ADCY5: variants seen among roughly 807,000 people sequenced by gnomAD.
ADCY5 encodes adenylate cyclase type 5.
A neutral mutation model predicts 119.7 loss-of-function variants in ADCY5; 30 were observed. That is an observed-to-expected ratio of 0.25 (90% CI 0.19 to 0.34). ADCY5 has a LOEUF of 0.34. Among genes scored for constraint, ADCY5 ranks in the 10% least tolerant of loss-of-function variants. The pLI, the probability that ADCY5 is intolerant of heterozygous loss-of-function variation, is 1.00. For missense variants in ADCY5, 1,324 were observed against 1,775.2 expected, an observed-to-expected ratio of 0.75 and a Z score of 4.57; for synonymous variants, 753 against 762.2, an observed-to-expected ratio of 0.99 and a Z score of 0.20.
intron 1 of ADCY5, among the ~76,000 whole-genome samples, chr3:123,405,375 C>T (rs1050326230): frequency 6.6e-6 from 1 of 152,220 alleles, no homozygotes; most frequent in African/African-American, 2.4e-5. Context: ...AGGGTTTCCA[C>T]GTCAGAATTC....
chr3:123,327,611 C>A lies in ADCY5; in HGVS notation c.1947+7G>T, dbSNP rs376761016. 5 of 1,612,834 alleles carry A rather than the reference C, an allele frequency of 3.1e-6. No individual in the cohort carries two copies. Among genetic ancestry groups the A allele is most frequent in the Middle Eastern group, 1.7e-4 (1 of 6,020 alleles). On this transcript the variant is annotated splice_region_variant and intron_variant, in intron 7 of 20. Transcript: ENST00000462833. ...CCCCTCAGCCCCCCGGCCCCCAGCC[C>A]ACAGACCCGCTTCTGGGTGCAGCGC...
At chr3:123,342,323 G>A (rs1942329724) in intron 3 of ADCY5, among the ~76,000 whole-genome samples, 1 of 152,204 alleles carries the variant, frequency 6.6e-6, no homozygotes. Flanking sequence ...AGCAACCTGG[G>A]GAATGCAGCC....
intron 3 of ADCY5, among the ~76,000 whole-genome samples, chr3:123,341,695 C>T (rs981513526): frequency 6.6e-6 from 1 of 151,106 alleles, no homozygotes; most frequent in African/African-American, 2.4e-5. Flanking sequence ...TTTTAAAGAC[C>T]CAACCCTACT....
At chr3:123,325,172 T>A (rs2108371438) in intron 8 of ADCY5, 150 bp downstream of exon 8, 1 of 1,041,438 alleles carries the variant, frequency 9.6e-7, no homozygotes, top group African/African-American at 1.6e-5. Flanking sequence ...CTACTCCTAG[T>A]CCAAAGTTGG....
chr3:123,315,014 G>A (rs1278390964), intron 11 of ADCY5, among the ~76,000 whole-genome samples: 1 of 152,152 alleles, frequency 6.6e-6, no homozygotes, highest in Non-Finnish European at 1.5e-5. Flanking sequence ...GACCTTCACA[G>A]CCACCACGGG....
Position 123,289,826 on chromosome 3 carries a change from G to A in ADCY5, c.3456C>T (p.Ala1152=), listed in dbSNP as rs771483790. 1.5e-5 allele frequency: 24 copies of A among 1,614,208 alleles called. No homozygotes were observed. Among genetic ancestry groups the A allele is most frequent in the South Asian group, 6.6e-5 (6 of 91,082 alleles). ...GGTCCATCAGCTTCATGGCAAAGTC[G>A]GCCAGTGCCTTGATGTGGGTCTTGC... is the stretch of plus-strand genomic sequence containing the variant. ...KVGKTHIKAL[A]DFAMKLMDQM... is the part of the protein sequence containing the mutation. Residue 1152 remains alanine (A), a synonymous_variant, in exon 19 of 21, where the codon GCC becomes GCT. Coordinates refer to ENST00000462833, the MANE Select transcript of ADCY5 (RefSeq NM_183357.3).
intron 1 of ADCY5, among the ~76,000 whole-genome samples, chr3:123,432,067 T>A (rs541055658): frequency 2.6e-5 from 4 of 152,176 alleles, no homozygotes; most frequent in Non-Finnish European, 4.4e-5. Flanking sequence ...GACGGACTCA[T>A]TGAGGTTAAC....
chr3:123,338,741 T>A (rs919725989), intron 3 of ADCY5, among the ~76,000 whole-genome samples: 1 of 152,044 alleles, frequency 6.6e-6, no homozygotes, highest in East Asian at 1.9e-4. Flanking sequence ...GGAGACAGAG[T>A]CCCAGTTACC....
At chr3:123,391,513 C>T (rs959220542) in intron 1 of ADCY5, among the ~76,000 whole-genome samples, 2 of 152,134 alleles carry the variant, frequency 1.3e-5, no homozygotes, top group African/African-American at 2.4e-5. Context: ...CCAATGGAGA[C>T]GTCCTTCCCA....
intron 1 of ADCY5, among the ~76,000 whole-genome samples, chr3:123,386,335 G>A (rs1404888236): frequency 6.6e-6 from 1 of 152,184 alleles, no homozygotes; most frequent in African/African-American, 2.4e-5. Flanking sequence ...GAGACCCCAC[G>A]GCATACCAGT....
intron 19 of ADCY5, 120 bp downstream of exon 19, chr3:123,289,630 G>T: frequency 1.7e-6 from 2 of 1,208,058 alleles, no homozygotes; most frequent in Non-Finnish European, 2.4e-6. Context: ...AGCCTCTGCT[G>T]CCGCCTGGCC....
In ADCY5 at chr3:123,293,287, C is replaced by T. The variant is rs565649134; in HGVS notation, c.3064-1911G>A. On this transcript the variant is annotated intron_variant, in intron 17 of 20. Coordinates refer to ENST00000462833, the MANE Select transcript of ADCY5 (RefSeq NM_183357.3). ...GGTGCTTGAAGAATGCTGAGGAGTC[C>T]GCCTACCAGCCAACTGTACAGGGGC... is the stretch of plus-strand genomic sequence containing the variant. 6.5e-4 allele frequency among the ~76,000 whole-genome samples: 99 copies of T among 152,242 alleles called. 1 individual carries two copies. Among genetic ancestry groups the T allele is most frequent in the African/African-American group, 2.3e-3 (96 of 41,542 alleles).
Position 123,444,665 on chromosome 3 carries a change from A to G in ADCY5, c.1134+2747T>C, listed in dbSNP as rs75640972. ...GAGCCCCACACATAAGAGAGGCTGAAGAAGAATAAAATACACAGGTCAGAT... is the reference window on the plus strand; with the variant it reads ...GAGCCCCACACATAAGAGAGGCTGAGGAAGAATAAAATACACAGGTCAGAT... On this transcript the variant is annotated intron_variant, in intron 1 of 20. Coordinates refer to ENST00000462833, the MANE Select transcript of ADCY5 (RefSeq NM_183357.3). 2.8e-3 allele frequency among the ~76,000 whole-genome samples: 431 copies of G among 152,340 alleles called. 1 individual carries two copies. The highest frequency in any genetic ancestry group is 9.7e-3 in the African/African-American group (405 of 41,576).
chr3:123,438,224 A>G (rs1289309216), intron 1 of ADCY5, among the ~76,000 whole-genome samples: 1 of 152,212 alleles, frequency 6.6e-6, no homozygotes, highest in Non-Finnish European at 1.5e-5. Context: ...GCTGGAGTCA[A>G]ATGTGTTTGA....
At chr3:123,324,211 G>A (rs1285168827) in intron 8 of ADCY5, among the ~76,000 whole-genome samples, 2 of 152,120 alleles carry the variant, frequency 1.3e-5, no homozygotes, top group East Asian at 3.9e-4. Flanking sequence ...GGCTAACAAG[G>A]AGCAGAGCGA....
At chr3:123,432,357 G>C (rs939130015) in intron 1 of ADCY5, among the ~76,000 whole-genome samples, 1 of 152,102 alleles carries the variant, frequency 6.6e-6, no homozygotes, top group African/African-American at 2.4e-5. Context: ...AGAGAGAAGT[G>C]GGGAGGAGGC....
chr3:123,311,059 T>C (rs1365688234), intron 12 of ADCY5, among the ~76,000 whole-genome samples: 1 of 152,164 alleles, frequency 6.6e-6, no homozygotes, highest in Non-Finnish European at 1.5e-5. Context: ...ATATGGACAG[T>C]TCAAGGAAGT....
At chr3:123,340,136 T>G (rs1473138455) in intron 3 of ADCY5, among the ~76,000 whole-genome samples, 3 of 151,688 alleles carry the variant, frequency 2.0e-5, no homozygotes, top group Admixed American at 6.6e-5. Context: ...CAAAAAAAAT[T>G]TAAAAATCAG....
intron 1 of ADCY5, among the ~76,000 whole-genome samples, chr3:123,444,937 G>A (rs1217548931): frequency 2.0e-5 from 3 of 152,192 alleles, no homozygotes; most frequent in Non-Finnish European, 4.4e-5. Flanking sequence ...AGTAACCTGA[G>A]GCAGAGGTTA....
Sources: allele counts gnomAD v4.1 joint callset (sites outside exome capture counted in the v4.1 genomes callset), GRCh38; gene constraint gnomAD v4.1.1; transcripts MANE v1.5; gene names NCBI Gene and HGNC (gene_info 2026-07-23, HGNC 2026-07-21).